The following PTPRQ variants were observed in gnomAD, a reference collection of about 807,000 sequenced individuals.
PTPRQ encodes protein tyrosine phosphatase receptor type Q.
PTPRQ carries 199 observed loss-of-function variants against 246.0 expected under a neutral mutation model. That is an observed-to-expected ratio of 0.81 (90% CI 0.72 to 0.91). The LOEUF (loss-of-function observed/expected upper bound fraction) is 0.91, where lower values mean the gene tolerates loss of function less well. Ranked by LOEUF, PTPRQ falls within the 40% of genes least tolerant of loss-of-function variation. The probability of loss-of-function intolerance (pLI) is 0.00; values close to 1 mark genes in which losing one functional copy is unlikely to be tolerated. For synonymous variants in PTPRQ, 869 were observed against 853.2 expected (o/e 1.02, Z -0.32); for missense variants, 2,624 against 2,528.4 (o/e 1.04, Z -0.81).
chr12:80,678,470 G>A, intron 43 of PTPRQ, 132 bp from the exon 44 acceptor site: 2 of 1,157,554 alleles, frequency 1.7e-6, no homozygotes, highest in Non-Finnish European at 2.2e-6. Flanking sequence ...TCTATACTAT[G>A]ATAAATTCTG....
At chr12:80,675,524 T>TTA (rs891897037) in intron 43 of PTPRQ, among the ~76,000 whole-genome samples, 5 of 152,110 alleles carry the variant, frequency 3.3e-5, no homozygotes, top group African/African-American at 1.2e-4. Flanking sequence ...CTCAATGAAA[T>TTA]TAAGGGTTTG....
chr12:80,653,231 A>AC (rs1900312714), intron 38 of PTPRQ, among the ~76,000 whole-genome samples: 1 of 152,196 alleles, frequency 6.6e-6, no homozygotes, highest in African/African-American at 2.4e-5. Flanking sequence ...GAACATAAAA[A>AC]AAATGCATTG....
At chr12:80,592,909 G>A (rs1592695776) in intron 26 of PTPRQ, among the ~76,000 whole-genome samples, 2 of 152,212 alleles carry the variant, frequency 1.3e-5, no homozygotes, top group African/African-American at 4.8e-5. Context: ...TCCTTGGGAG[G>A]CTGAGGGAGG....
In PTPRQ at chr12:80,519,414, A is replaced by C. The variant is rs146360562; in HGVS notation, c.2678+8971A>C. Among the ~76,000 whole-genome samples the C allele has an allele frequency of 5.8e-3, 884 of 152,280 alleles. 2 individuals are homozygous for C. Among genetic ancestry groups the C allele is most frequent in the Middle Eastern group, 0.01 (3 of 294 alleles). The stretch of plus-strand genomic sequence containing the variant: ...TCAAGAATAGTGCTATTAACTTAAA[A>C]ATCTCACAATCTAAAAATTTGGAAA... On this transcript the variant is annotated intron_variant, in intron 17 of 44. Transcript: ENST00000644991.
chr12:80,623,874 C>G (rs1390749949), intron 33 of PTPRQ, among the ~76,000 whole-genome samples: 1 of 152,096 alleles, frequency 6.6e-6, no homozygotes, highest in East Asian at 1.9e-4. Flanking sequence ...TCAGGAACCA[C>G]AGTGCACAGG....
At chr12:80,663,964 G>A (rs1900709463) in intron 39 of PTPRQ, among the ~76,000 whole-genome samples, 1 of 151,810 alleles carries the variant, frequency 6.6e-6, no homozygotes, top group Admixed American at 6.6e-5. Flanking sequence ...CTCTTGCTCA[G>A]CTTGAACTGC....
At chr12:80,529,904 G>T (rs1278068837) in intron 17 of PTPRQ, among the ~76,000 whole-genome samples, 3 of 152,070 alleles carry the variant, frequency 2.0e-5, no homozygotes, top group African/African-American at 7.2e-5. Context: ...TTTTACTGAG[G>T]ACTTCCCTCA....
chr12:80,452,727 A>G (rs1363699178), intron 3 of PTPRQ, among the ~76,000 whole-genome samples: 2 of 152,228 alleles, frequency 1.3e-5, no homozygotes, highest in Non-Finnish European at 2.9e-5. Context: ...GTTTCTACTG[A>G]GAGATCCGCT....
rs1383009788 is a variant in PTPRQ, at chr12:80,588,392, A to G, written c.4549A>G (p.Ser1517Gly). Residue 1517 changes from serine to glycine, a missense_variant, in exon 26 of 45, where the codon AGC becomes GGC. Coordinates refer to ENST00000644991, the MANE Select transcript of PTPRQ (RefSeq NM_001145026.2). Reference sequence around the variant, plus strand: ...ATGGTATAGATTCCAAGTGGCTGCCAGCACCAATGCTGGCTATGGCAATGC... The same window carrying G: ...ATGGTATAGATTCCAAGTGGCTGCCGGCACCAATGCTGGCTATGGCAATGC... ...FRWYRFQVAASTNAGYGNASN... is the reference protein window; with the variant it reads ...FRWYRFQVAAGTNAGYGNASN... 6.5e-7 allele frequency: 1 copy of G among 1,529,876 alleles called. No homozygotes were observed. The highest frequency in any genetic ancestry group is 8.8e-7 in the Non-Finnish European group (1 of 1,135,334). 94.8% of individuals were successfully genotyped at this position (1,529,876 alleles called of 1,614,324 possible). A position where few individuals can be genotyped will look rare whatever the true frequency, so the allele number is the denominator to read the frequency against.
At chr12:80,484,717 A>G (rs1418066075) in intron 9 of PTPRQ, 112 bp downstream of exon 9, 3 of 1,307,460 alleles carry the variant, frequency 2.3e-6, no homozygotes, top group Admixed American at 3.1e-5. Context: ...ACTTACTAGT[A>G]CAAAGTAAAG....
intron 5 of PTPRQ, among the ~76,000 whole-genome samples, chr12:80,460,004 T>C (rs999510358): frequency 2.6e-5 from 4 of 152,204 alleles, no homozygotes; most frequent in Admixed American, 1.3e-4. Context: ...CTCTGGTCAT[T>C]GATGATAAAC....
rs112787053 is a variant in PTPRQ at position 80,660,085 on chromosome 12, T to C, written c.6192+2024T>C. Among the ~76,000 whole-genome samples, 342 of 152,166 alleles carry C rather than the reference T, an allele frequency of 2.2e-3. 2 individuals carry two copies. Among genetic ancestry groups the C allele is most frequent in the African/African-American group, 8.0e-3 (331 of 41,538 alleles). On this transcript the variant is annotated intron_variant, in intron 39 of 44. Transcript: ENST00000644991. Reference sequence around the variant, plus strand: ...AAATTTTATTCGAAAGCACTTCCAATTGAAAGTTTATGAACACTTGTCCCA... The same window carrying C: ...AAATTTTATTCGAAAGCACTTCCAACTGAAAGTTTATGAACACTTGTCCCA...
chr12:80,588,394 C>A lies in PTPRQ; in HGVS notation c.4551C>A (p.Ser1517Arg). 1.3e-6 allele frequency: 2 copies of A among 1,527,476 alleles called. No individual in the cohort carries two copies. Among genetic ancestry groups the A allele is most frequent in the South Asian group, 2.5e-5 (2 of 79,750 alleles). The allele number at this position is 1,527,476 out of a possible 1,614,324, so 94.6% of individuals were successfully genotyped here. A position where few individuals can be genotyped will look rare whatever the true frequency, so the allele number is the denominator to read the frequency against. The change falls in exon 26 of 45, where the codon AGC (serine) becomes AGA (arginine). Residue 1517 changes from serine to arginine, a missense_variant. Physicochemically the swap from Ser to Arg is moderately radical, Grantham distance 110 (BLOSUM62 -1). Coordinates refer to ENST00000644991, the MANE Select transcript of PTPRQ (RefSeq NM_001145026.2). ...GGTATAGATTCCAAGTGGCTGCCAG[C>A]ACCAATGCTGGCTATGGCAATGCTT... is the stretch of plus-strand genomic sequence containing the variant. Reference protein sequence around the residue: ...FRWYRFQVAASTNAGYGNASN... With the variant: ...FRWYRFQVAARTNAGYGNASN...
At chr12:80,657,128 A>G (rs1900469759) in intron 38 of PTPRQ, among the ~76,000 whole-genome samples, 1 of 151,878 alleles carries the variant, frequency 6.6e-6, no homozygotes, top group South Asian at 2.1e-4. Context: ...TTTAATTAAT[A>G]TGACAAAAGG....
chr12:80,600,858 C>T (rs777990271), intron 26 of PTPRQ, among the ~76,000 whole-genome samples: 5 of 151,758 alleles, frequency 3.3e-5, no homozygotes, highest in African/African-American at 4.8e-5. Context: ...CTGGTCTTAA[C>T]GGCCTTACAT....
rs376784938 is a variant in PTPRQ, at chr12:80,586,289, G to T, written c.4286-1840G>T. On this transcript the variant is annotated intron_variant, in intron 25 of 44. Transcript: ENST00000644991. ...ACATTTATGCAGCCAAAAGACACAT[G>T]AAAAAATGCTCATCATCACTGGCCA... 1.5e-3 allele frequency among the ~76,000 whole-genome samples: 234 copies of T among 151,430 alleles called. 3 individuals are homozygous for T. The highest frequency in any genetic ancestry group is 5.4e-3 in the African/African-American group (222 of 41,232).
At chr12:80,528,893 A>G (rs983408247) in intron 17 of PTPRQ, among the ~76,000 whole-genome samples, 2 of 152,102 alleles carry the variant, frequency 1.3e-5, no homozygotes. Context: ...TTGTCCTTTA[A>G]TCTTTTAAAT....
chr12:80,472,187 T>G lies in PTPRQ; in HGVS notation c.1122T>G (p.Ile374Met). 1 of 1,551,648 alleles carries G rather than the reference T, an allele frequency of 6.4e-7. No homozygotes were observed. Among genetic ancestry groups the G allele is most frequent in the Non-Finnish European group, 8.7e-7 (1 of 1,146,962 alleles). The change falls in exon 8 of 45, where the codon ATT becomes ATG. Residue 374 changes from isoleucine to methionine, a missense_variant. By Grantham distance (10) the Ile-to-Met change is conservative (BLOSUM62 1). Transcript: ENST00000644991. Reference sequence around the variant, plus strand: ...CATTTACAATGTATGATGTCTATATTGCGGCTGAAACCAGTGCAGGGACTG... The same window carrying G: ...CATTTACAATGTATGATGTCTATATGGCGGCTGAAACCAGTGCAGGGACTG... Reference protein sequence around the residue: ...LTPFTMYDVYIAAETSAGTGP... With the variant: ...LTPFTMYDVYMAAETSAGTGP...
intron 19 of PTPRQ, among the ~76,000 whole-genome samples, chr12:80,538,855 G>C (rs944112904): frequency 2.0e-5 from 3 of 152,018 alleles, no homozygotes; most frequent in Non-Finnish European, 4.4e-5. Flanking sequence ...GTGAAGTGGA[G>C]ATGATTATTT....
Sources: allele counts gnomAD v4.1 joint callset (sites outside exome capture counted in the v4.1 genomes callset), GRCh38; gene constraint gnomAD v4.1.1; transcripts MANE v1.5; gene names NCBI Gene and HGNC (gene_info 2026-07-23, HGNC 2026-07-21).